The following ATP10D variants were observed in gnomAD, a reference collection of about 807,000 sequenced individuals.
The protein encoded by ATP10D is phospholipid-transporting ATPase VD.
In ATP10D, 89 loss-of-function variants were observed where a neutral mutation model predicts 144.8. The ratio of observed to expected loss-of-function variants is 0.61; its 90% confidence interval spans 0.52 to 0.73. The LOEUF is 0.73. Ranked by LOEUF, ATP10D falls within the 30% of genes least tolerant of loss-of-function variation. The pLI, the probability that ATP10D is intolerant of heterozygous loss-of-function variation, is 0.00. For synonymous variants in ATP10D, 571 were observed against 615.1 expected, an observed-to-expected ratio of 0.93 and a Z score of 1.06; for missense variants, 1,603 against 1,714.8, an observed-to-expected ratio of 0.93 and a Z score of 1.15.
chr4:47,567,117 A>G (rs1719679457), intron 15 of ATP10D, among the ~76,000 whole-genome samples: 1 of 152,246 alleles, frequency 6.6e-6, no homozygotes. Flanking sequence ...GGGAATGGGC[A>G]TATCACATGA....
At chr4:47,526,738 G>A (rs975351174) in intron 5 of ATP10D, among the ~76,000 whole-genome samples, 1 of 152,084 alleles carries the variant, frequency 6.6e-6, no homozygotes, top group Non-Finnish European at 1.5e-5. Flanking sequence ...AGCAGATATT[G>A]AAATTTTTAA....
At chr4:47,538,719 G>A (rs1717979586) in intron 9 of ATP10D, among the ~76,000 whole-genome samples, 1 of 152,202 alleles carries the variant, frequency 6.6e-6, no homozygotes, top group Non-Finnish European at 1.5e-5. Context: ...GAAGTTTTAG[G>A]ACTGAGGTCC....
At position 47,536,592 on chromosome 4, in the gene ATP10D, A is replaced by G. The variant is rs1437011957; in HGVS notation, c.1143+28A>G. The G allele has an allele frequency of 3.1e-6, 5 of 1,608,826 alleles. No individual in the cohort carries two copies. In the African/African-American group the frequency reaches 5.4e-5, roughly 17 times the overall value. On this transcript the variant is annotated intron_variant, in intron 8 of 22. Coordinates refer to ENST00000273859, the MANE Select transcript of ATP10D (RefSeq NM_020453.4). The stretch of plus-strand genomic sequence containing the variant: ...AATTTTTTATCAAGCTTATGGTAGA[A>G]TTTTAACATCTTTGCTGCTTATCCA...
chr4:47,583,598 A>G (rs900290456), intron 21 of ATP10D, among the ~76,000 whole-genome samples: 2 of 152,338 alleles, frequency 1.3e-5, no homozygotes, highest in African/African-American at 2.4e-5. Flanking sequence ...GATTGTTTTT[A>G]TACCTATTCA....
intron 1 of ATP10D, among the ~76,000 whole-genome samples, chr4:47,486,855 T>G (rs1194114772): frequency 6.6e-6 from 1 of 152,222 alleles, no homozygotes; most frequent in East Asian, 1.9e-4. Context: ...AGGGAAAATC[T>G]AAGCACTCTA....
intron 5 of ATP10D, 91 bp from the exon 6 acceptor site, chr4:47,535,418 C>G (rs1489993968): frequency 9.1e-6 from 9 of 987,642 alleles, no homozygotes; most frequent in Non-Finnish European, 1.4e-6. Context: ...CTTTTTACTC[C>G]AAGTCAAAAA....
At position 47,523,018 on chromosome 4, in the gene ATP10D, G is replaced by T; in HGVS notation, c.492G>T (p.Glu164Asp). The T allele has an allele frequency of 6.2e-7, 1 of 1,604,940 alleles. No homozygotes were observed. The highest frequency in any genetic ancestry group is 8.5e-7 in the Non-Finnish European group (1 of 1,174,998). The change falls in exon 4 of 23, where the codon GAG becomes GAT. Residue 164 changes from glutamate to aspartate, a missense_variant. Physicochemically the swap from Glu to Asp is conservative, Grantham distance 45. Coordinates refer to ENST00000273859, the MANE Select transcript of ATP10D (RefSeq NM_020453.4). ...NLITKVYSRK[E>D]KKYIDRCWKD... The stretch of plus-strand genomic sequence containing the variant: ...AACTTTTTTTTAATTACAGGAAAGA[G>T]AAAAAATACATTGACCGATGCTGGA...
chr4:47,557,391 G>A (rs962588348), intron 11 of ATP10D, among the ~76,000 whole-genome samples: 3 of 151,940 alleles, frequency 2.0e-5, no homozygotes, highest in Admixed American at 6.5e-5. Flanking sequence ...TTGTAGAAAT[G>A]TATGTCATTC....
intron 1 of ATP10D, among the ~76,000 whole-genome samples, chr4:47,494,224 T>C (rs1449992472): frequency 6.6e-6 from 1 of 152,178 alleles, no homozygotes; most frequent in African/African-American, 2.4e-5. Flanking sequence ...TAAGACTTTT[T>C]CCCCCCGGTT....
At chr4:47,581,760 GA>G (rs939013519) in intron 20 of ATP10D, among the ~76,000 whole-genome samples, 199 bp from the exon 21 acceptor site, 1 of 152,130 alleles carries the variant, frequency 6.6e-6, no homozygotes, top group Admixed American at 6.6e-5. Flanking sequence ...AATTCCAGTT[GA>G]AAAAAACTGA....
At chr4:47,559,081 A>G (rs1577683587) in intron 13 of ATP10D, 52 bp downstream of exon 13, 4 of 1,438,522 alleles carry the variant, frequency 2.8e-6, no homozygotes, top group Non-Finnish European at 3.9e-6. Context: ...TTGTTTAGCT[A>G]TCACTGACTG....
chr4:47,499,685 T>C (rs1715577546), intron 1 of ATP10D, among the ~76,000 whole-genome samples: 1 of 152,224 alleles, frequency 6.6e-6, no homozygotes, highest in African/African-American at 2.4e-5. Context: ...GTGTCAAATA[T>C]AGGAAAATTG....
intron 11 of ATP10D, 70 bp from the exon 12 acceptor site, chr4:47,557,594 C>A: frequency 7.1e-7 from 1 of 1,410,130 alleles, no homozygotes; most frequent in Non-Finnish European, 9.4e-7. Flanking sequence ...AATTTATTTC[C>A]AGTTTGCCTT....
chr4:47,576,674 G>C, intron 18 of ATP10D, 99 bp from the exon 19 acceptor site: 2 of 1,089,794 alleles, frequency 1.8e-6, no homozygotes, highest in Non-Finnish European at 2.8e-6. Context: ...ACTACAGAGA[G>C]GCTGAGGTCA....
intron 10 of ATP10D, chr4:47,547,188 G>A (rs1218909130): frequency 3.2e-6 from 1 of 310,028 alleles, no homozygotes; most frequent in Non-Finnish European, 6.1e-6. Flanking sequence ...CTTAGAACCA[G>A]CAAAGCTTAC....
chr4:47,578,918 G>A (rs1314509711), intron 19 of ATP10D, among the ~76,000 whole-genome samples: 1 of 152,208 alleles, frequency 6.6e-6, no homozygotes, highest in African/African-American at 2.4e-5. Flanking sequence ...TGGAGAATTT[G>A]TATATTTATA....
At chr4:47,559,147 T>C in intron 13 of ATP10D, 118 bp downstream of exon 13, 1 of 696,516 alleles carries the variant, frequency 1.4e-6, no homozygotes, top group Non-Finnish European at 2.4e-6. Context: ...CCCTGGACAC[T>C]GGCTCTCTTT....
At position 47,587,136 on chromosome 4, in the gene ATP10D, CA is replaced by C. The variant is rs753027128; in HGVS notation, c.3872del (p.Gln1291ArgfsTer11). 1.9e-6 allele frequency: 3 copies of C among 1,614,044 alleles called. No homozygotes were observed. Among genetic ancestry groups the C allele is most frequent in the Non-Finnish European group, 2.5e-6 (3 of 1,179,930 alleles). Reference protein sequence around the residue: ...NPPSNPYWIMQEHMLDPVFYL... With the variant: ...NPPSNPYWIMXEHMLDPVFYL... Reference sequence around the variant, plus strand: ...ACCATCCAACCCTTACTGGATTATGCAGGAGCACATGCTGGATCCAGTATTC... The same window carrying C: ...ACCATCCAACCCTTACTGGATTATGCGGAGCACATGCTGGATCCAGTATTC... On this transcript the variant is annotated frameshift_variant, in exon 22 of 23. Coordinates refer to ENST00000273859, the MANE Select transcript of ATP10D (RefSeq NM_020453.4). LOFTEE classifies it high-confidence loss of function.
rs901198505 is a variant in ATP10D, at chr4:47,525,770, T to C, written c.776+128T>C. The stretch of plus-strand genomic sequence containing the variant: ...ACTAAAGGTCGTAACTTTAGCCACC[T>C]ACTAAAATAGTTTGGCTTATTTTAA... On this transcript the variant is annotated intron_variant, in intron 5 of 22. Coordinates refer to ENST00000273859, the MANE Select transcript of ATP10D (RefSeq NM_020453.4). The C allele has an allele frequency of 7.2e-6, 5 of 697,596 alleles. No individual in the cohort carries two copies. In the Admixed American group the frequency reaches 1.1e-4, roughly 16 times the overall value. The allele number at this position is 697,596 out of a possible 1,614,324, so 43.2% of individuals were successfully genotyped here. A position where few individuals can be genotyped will look rare whatever the true frequency, so the allele number is the denominator to read the frequency against.
Sources: allele counts gnomAD v4.1 joint callset (sites outside exome capture counted in the v4.1 genomes callset), GRCh38; gene constraint gnomAD v4.1.1; transcripts MANE v1.5; gene names NCBI Gene and HGNC (gene_info 2026-07-23, HGNC 2026-07-21).